KALRN: variants seen among roughly 807,000 people sequenced by gnomAD.
KALRN encodes kalirin.
In KALRN, 70 loss-of-function variants were observed where a neutral mutation model predicts 353.7. That is an observed-to-expected ratio of 0.20 (90% CI 0.16 to 0.24). KALRN has a LOEUF of 0.24. Ranked by LOEUF, KALRN falls within the 10% of genes least tolerant of loss-of-function variation. KALRN has a pLI of 1.00. For synonymous variants in KALRN, 1,391 were observed against 1,434.8 expected (o/e 0.97, Z 0.69); for missense variants, 2,791 against 3,756.7 (o/e 0.74, Z 6.72).
intron 10 of KALRN, among the ~76,000 whole-genome samples, chr3:124,370,451 T>A (rs1576372407): frequency 6.6e-6 from 1 of 152,336 alleles, no homozygotes; most frequent in Non-Finnish European, 1.5e-5. Flanking sequence ...AACACTCTCA[T>A]AGTAAACAAA....
intron 1 of KALRN, among the ~76,000 whole-genome samples, chr3:124,111,928 G>T (rs1468514332): frequency 1.3e-5 from 2 of 152,178 alleles, no homozygotes; most frequent in Non-Finnish European, 2.9e-5. Flanking sequence ...ATGCAGTCAT[G>T]ATTCCACTGA....
At chr3:124,057,793 C>T (rs546758310) in intron 1 of KALRN, among the ~76,000 whole-genome samples, 15 of 152,264 alleles carry the variant, frequency 9.9e-5, no homozygotes, top group East Asian at 7.7e-4. Context: ...TCCTTTCCAT[C>T]GGTGAGACTG....
intron 1 of KALRN, among the ~76,000 whole-genome samples, chr3:124,200,825 A>G (rs2075882088): frequency 6.6e-6 from 1 of 152,156 alleles, no homozygotes; most frequent in South Asian, 2.1e-4. Flanking sequence ...GGGTGGTGTA[A>G]GTGTCCTTTT....
chr3:124,329,984 T>C lies in KALRN; in HGVS notation c.1408T>C (p.Tyr470His). 6.2e-7 allele frequency: 1 copy of C among 1,613,586 alleles called. No homozygotes were observed. The highest frequency in any genetic ancestry group is 8.5e-7 in the Non-Finnish European group (1 of 1,179,760). Residue 470 changes from tyrosine to histidine, a missense_variant, in exon 8 of 60, where the codon TAC (tyrosine) becomes CAC (histidine). By Grantham distance (83) the Tyr-to-His change is moderately conservative (BLOSUM62 2). Transcript: ENST00000682506. ...CTTGTATGAGCAGGTGACCCAAGCC[T>C]ACACAGAGGTGAGAATGGAGCAGGG... is the stretch of plus-strand genomic sequence containing the variant. ...QTLYEQVTQA[Y>H]TEVSQDGKAL...
intron 10 of KALRN, among the ~76,000 whole-genome samples, chr3:124,378,208 T>TATTATTTTA (rs2086851150): frequency 6.6e-6 from 1 of 152,072 alleles, no homozygotes; most frequent in East Asian, 1.9e-4. Flanking sequence ...TATAACTCTT[T>TATTATTTTA]ATTATTTTAA....
chr3:124,066,173 C>T (rs1186520070), intron 1 of KALRN, among the ~76,000 whole-genome samples: 1 of 152,144 alleles, frequency 6.6e-6, no homozygotes. Flanking sequence ...TTGTGTTGCT[C>T]ATCTGTGCTC....
At chr3:124,132,013 G>A (rs1383022306) in intron 1 of KALRN, among the ~76,000 whole-genome samples, 1 of 152,132 alleles carries the variant, frequency 6.6e-6, no homozygotes, top group African/African-American at 2.4e-5. Flanking sequence ...TATATGGTCA[G>A]TTTTAAATCT....
At chr3:124,341,017 C>T (rs1021030900) in intron 9 of KALRN, among the ~76,000 whole-genome samples, 1 of 152,166 alleles carries the variant, frequency 6.6e-6, no homozygotes, top group African/African-American at 2.4e-5. Flanking sequence ...TTAGAAAAGA[C>T]TGTCTCCTGT....
At chr3:124,173,133 A>G (rs1352804155) in intron 1 of KALRN, among the ~76,000 whole-genome samples, 1 of 152,194 alleles carries the variant, frequency 6.6e-6, no homozygotes, top group Admixed American at 6.5e-5. Flanking sequence ...AAAAATTCAC[A>G]GCAAGTAGAC....
intron 16 of KALRN, among the ~76,000 whole-genome samples, chr3:124,431,597 A>G (rs1255286607): frequency 6.6e-6 from 1 of 152,198 alleles, no homozygotes; most frequent in East Asian, 1.9e-4. Flanking sequence ...GGGAAAAGAG[A>G]CAGAATGAAA....
intron 1 of KALRN, among the ~76,000 whole-genome samples, chr3:124,049,425 TAAAC>T (rs2040826626): frequency 6.6e-6 from 1 of 152,094 alleles, no homozygotes; most frequent in Non-Finnish European, 1.5e-5. Flanking sequence ...AAGAAAGAGG[TAAAC>T]ATACTTGCCC....
chr3:124,491,075 T>C (rs900995980), intron 30 of KALRN, among the ~76,000 whole-genome samples, 191 bp downstream of exon 30: 2 of 151,176 alleles, frequency 1.3e-5, no homozygotes, highest in African/African-American at 2.4e-5. Context: ...AGTTCACAGT[T>C]CTTCTTTCTG....
intron 1 of KALRN, among the ~76,000 whole-genome samples, chr3:124,037,468 T>A (rs1156830213): frequency 6.6e-6 from 1 of 152,148 alleles, no homozygotes; most frequent in Admixed American, 6.5e-5. Context: ...AGGGAGAGTC[T>A]TGAAAGCACA....
intron 1 of KALRN, among the ~76,000 whole-genome samples, chr3:124,147,067 A>G (rs1167367528): frequency 1.3e-5 from 2 of 152,148 alleles, no homozygotes; most frequent in Non-Finnish European, 2.9e-5. Flanking sequence ...ATGTGAGATA[A>G]TAGCGCTCAT....
chr3:124,275,796 G>C (rs1390714326), intron 5 of KALRN, among the ~76,000 whole-genome samples: 2 of 152,114 alleles, frequency 1.3e-5, no homozygotes, highest in Non-Finnish European at 2.9e-5. Context: ...GAGAGAAGTT[G>C]GAAATTATGG....
chr3:124,190,506 A>G (rs1486971085), intron 1 of KALRN, among the ~76,000 whole-genome samples: 1 of 152,200 alleles, frequency 6.6e-6, no homozygotes, highest in African/African-American at 2.4e-5. Flanking sequence ...ACCCCAAGAC[A>G]TGGTGGCATA....
At chr3:124,251,216 G>A (rs78713514) in intron 3 of KALRN, among the ~76,000 whole-genome samples, 1,865 of 152,254 alleles carry the variant, frequency 0.012, 18 homozygotes, top group Non-Finnish European at 0.02. Context: ...GTCCCTCCAA[G>A]GTGTACATCC....
intron 1 of KALRN, among the ~76,000 whole-genome samples, chr3:124,079,193 G>C (rs577336818): frequency 6.6e-5 from 10 of 152,262 alleles, no homozygotes; most frequent in Admixed American, 2.0e-4. Context: ...GGAAGCAGAG[G>C]GGATTTTTGC....
At chr3:124,288,200 A>G (rs1052892711) in intron 5 of KALRN, among the ~76,000 whole-genome samples, 2 of 152,188 alleles carry the variant, frequency 1.3e-5, no homozygotes, top group Admixed American at 6.5e-5. Flanking sequence ...TTAAGAAAAC[A>G]TTTCAGATAG....
Sources: gnomAD v4.1 joint callset for allele counts (sites outside exome capture counted in the v4.1 genomes callset) on GRCh38, gnomAD v4.1.1 for gene constraint, MANE v1.5 for transcripts, NCBI Gene and HGNC (gene_info 2026-07-23, HGNC 2026-07-21) for gene names.